The following DRC1 variants were observed in gnomAD, a reference collection of about 807,000 sequenced individuals.
The protein encoded by DRC1 is dynein regulatory complex subunit 1, also known as dynein regulatory complex protein 1.
In DRC1, 74 loss-of-function variants were observed where a neutral mutation model predicts 98.7. That is an observed-to-expected ratio of 0.75 (90% CI 0.62 to 0.91). DRC1 has a LOEUF of 0.91. Among genes scored for constraint, DRC1 ranks in the 40% least tolerant of loss-of-function variants. DRC1 has a pLI of 0.00. For synonymous variants in DRC1, 336 were observed against 334.1 expected, an observed-to-expected ratio of 1.01 and a Z score of -0.06; for missense variants, 875 against 886.0, an observed-to-expected ratio of 0.99 and a Z score of 0.16.
chr2:26,430,956 A>AACT, intron 6 of DRC1, 84 bp downstream of exon 6: 2 of 572,472 alleles, frequency 3.5e-6, no homozygotes, highest in Non-Finnish European at 5.0e-6. Context: ...GCCTTTTTCT[A>AACT]TCTTTTTTTT....
rs1678722148 is a variant in DRC1 at position 26,414,328 on chromosome 2, C to CT, written c.156-10dup. The CT allele has an allele frequency of 1.2e-6, 2 of 1,612,144 alleles. No individual in the cohort carries two copies. The highest frequency in any genetic ancestry group is 1.7e-5 in the Admixed American group (1 of 59,654). On this transcript the variant is annotated splice_polypyrimidine_tract_variant and intron_variant, in intron 1 of 16. Coordinates refer to ENST00000288710, the MANE Select transcript of DRC1 (RefSeq NM_145038.5). ...ATTAGAAATAACTTCATTTTCTCTG[C>CT]TTTTTTCCATCACAGGGAAGCACTT...
rs147455397 is a variant in DRC1, at chr2:26,431,145, G to A, written c.765+273G>A. ...TAATTTCTGTATTTTTAGTAGAGAC[G>A]GGGTTTCACCATGTTGACCAGGATG... On this transcript the variant is annotated intron_variant, in intron 6 of 16. Coordinates refer to ENST00000288710, the MANE Select transcript of DRC1 (RefSeq NM_145038.5). Among the ~76,000 whole-genome samples the A allele has an allele frequency of 0.019, 2,879 of 152,066 alleles. 75 individuals are homozygous for A. Among genetic ancestry groups the A allele is most frequent in the African/African-American group, 0.065 (2,678 of 41,462 alleles).
At position 26,456,632 on chromosome 2, in the gene DRC1, G is replaced by A. The variant is rs1664185889; in HGVS notation, c.*115G>A. 3.9e-6 allele frequency: 5 copies of A among 1,283,484 alleles called. No individual in the cohort carries two copies. The highest frequency in any genetic ancestry group is 5.6e-6 in the Non-Finnish European group (5 of 900,002). The allele number at this position is 1,283,484 out of a possible 1,614,324, so 79.5% of individuals were successfully genotyped here. ...GGGCCTGCTCTCTGGATTTTCCAGG[G>A]CTGTCTTTATAGCCTGTCGAAATAA... is the stretch of plus-strand genomic sequence containing the variant. On this transcript the variant is annotated 3_prime_UTR_variant, in exon 17 of 17. Transcript: ENST00000288710.
chr2:26,431,765 C>A, intron 6 of DRC1, 119 bp from the exon 7 acceptor site: 1 of 1,494,752 alleles, frequency 6.7e-7, no homozygotes, highest in Non-Finnish European at 9.0e-7. Context: ...CCACCAGACT[C>A]CCTGTGGAGC....
intron 4 of DRC1, among the ~76,000 whole-genome samples, chr2:26,426,250 T>C (rs1457762206): frequency 6.6e-6 from 1 of 152,198 alleles, no homozygotes; most frequent in Non-Finnish European, 1.5e-5. Flanking sequence ...TCAAAGCCAT[T>C]TGGTCATATA....
At position 26,429,526 on chromosome 2, in the gene DRC1, C is replaced by T. The variant is rs1483966190; in HGVS notation, c.541-102C>T. Reference sequence around the variant, plus strand: ...CAGCCCTCTTTGTACAGTTTCATGTCCTAACATTGACAGATTCTGGTGAGA... The same window carrying T: ...CAGCCCTCTTTGTACAGTTTCATGTTCTAACATTGACAGATTCTGGTGAGA... On this transcript the variant is annotated intron_variant, in intron 4 of 16. Coordinates refer to ENST00000288710, the MANE Select transcript of DRC1 (RefSeq NM_145038.5). 2.8e-5 allele frequency: 41 copies of T among 1,462,170 alleles called. No homozygotes were observed. The Middle Eastern group carries it at 5.4e-4, about 19-fold the overall frequency. The allele number at this position is 1,462,170 out of a possible 1,614,324, so 90.6% of individuals were successfully genotyped here.
intron 1 of DRC1, among the ~76,000 whole-genome samples, chr2:26,402,787 C>T (rs1678294908): frequency 6.6e-6 from 1 of 152,204 alleles, no homozygotes; most frequent in Admixed American, 6.5e-5. Context: ...GTTGATTGCC[C>T]ACCGTCTGGA....
At chr2:26,423,024 C>A (rs1342607805) in intron 3 of DRC1, among the ~76,000 whole-genome samples, 3 of 152,028 alleles carry the variant, frequency 2.0e-5, no homozygotes, top group Non-Finnish European at 4.4e-5. Context: ...ATAAGCAGTT[C>A]CCTCTTTAGC....
At chr2:26,455,263 A>AG in intron 16 of DRC1, 30 bp downstream of exon 16, 1 of 1,598,410 alleles carries the variant, frequency 6.3e-7, no homozygotes, top group Non-Finnish European at 8.6e-7. Flanking sequence ...AAGGAGGGGC[A>AG]GCGGGAGACA....
At chr2:26,426,091 C>G (rs939340894) in intron 4 of DRC1, among the ~76,000 whole-genome samples, 9 of 152,116 alleles carry the variant, frequency 5.9e-5, no homozygotes, top group African/African-American at 2.2e-4. Context: ...GGTAAGGACC[C>G]AACTTCATTC....
chr2:26,414,686 A>C (rs1678738486), intron 2 of DRC1, among the ~76,000 whole-genome samples: 1 of 152,214 alleles, frequency 6.6e-6, no homozygotes, highest in Non-Finnish European at 1.5e-5. Context: ...CAGATGTTTT[A>C]GCTTGGGCGC....
intron 2 of DRC1, 131 bp from the exon 3 acceptor site, chr2:26,421,157 A>G: frequency 1.5e-6 from 1 of 671,900 alleles, no homozygotes; most frequent in Non-Finnish European, 2.4e-6. Flanking sequence ...TACTCTTAAA[A>G]ATCTTAAGGT....
At chr2:26,418,130 AC>A (rs1357231447) in intron 2 of DRC1, among the ~76,000 whole-genome samples, 1 of 151,728 alleles carries the variant, frequency 6.6e-6, no homozygotes, top group Non-Finnish European at 1.5e-5. Flanking sequence ...GTCCCTTCAA[AC>A]CCCCATTGTC....
intron 10 of DRC1, 41 bp downstream of exon 10, chr2:26,444,989 C>T (rs1663817417): frequency 6.3e-7 from 1 of 1,594,004 alleles, no homozygotes; most frequent in African/African-American, 1.3e-5. Flanking sequence ...GCTGGAGGAG[C>T]CCCCTGAGAA....
rs1664059587 is a variant in DRC1 at position 26,453,446 on chromosome 2, G to A, written c.1816G>A (p.Glu606Lys). Residue 606 changes from glutamate (E) to lysine (K), a missense_variant, in exon 14 of 17, where the codon GAG becomes AAG. Physicochemically the swap from Glu to Lys is moderately conservative, Grantham distance 56 (BLOSUM62 1). Coordinates refer to ENST00000288710, the MANE Select transcript of DRC1 (RefSeq NM_145038.5). ...GEKEESLVEG[E>K]KEEEEETPPS... ...AAAGGAAGAAAGCCTGGTGGAAGGG[G>A]AGAAGGAGGAAGAGGAGGAGACCCC... The A allele has an allele frequency of 1.2e-6, 2 of 1,614,054 alleles. No homozygotes were observed. Among genetic ancestry groups the A allele is most frequent in the African/African-American group, 1.3e-5 (1 of 74,940 alleles).
chr2:26,411,205 A>C (rs1324390382), intron 1 of DRC1, among the ~76,000 whole-genome samples: 1 of 152,266 alleles, frequency 6.6e-6, no homozygotes, highest in Non-Finnish European at 1.5e-5. Context: ...CTAGTTCTAC[A>C]CTGCTGAACA....
In DRC1 at chr2:26,429,690, C is replaced by A. The variant is rs773865451; in HGVS notation, c.603C>A (p.Cys201Ter). Residue 201 changes from cysteine (C) to a stop codon, truncating the protein, a stop_gained, in exon 5 of 17, where the codon TGC (cysteine) becomes TGA (stop). Transcript: ENST00000288710. LOFTEE classifies it high-confidence loss of function. ...KDLKKQSDDI[C>*]LLLERMEEQV... is the part of the protein sequence containing the mutation. ...TGAAGAAACAGTCAGATGACATCTG[C>A]CTGCTTCTGGAGCGGATGGAAGAAC... The A allele has an allele frequency of 6.2e-7, 1 of 1,614,092 alleles. No homozygotes were observed. Among genetic ancestry groups the A allele is most frequent in the Non-Finnish European group, 8.5e-7 (1 of 1,179,988 alleles).
chr2:26,429,491 C>T, intron 4 of DRC1, 137 bp from the exon 5 acceptor site: 1 of 1,142,960 alleles, frequency 8.7e-7, no homozygotes, highest in Non-Finnish European at 1.2e-6. Context: ...TAGGTGTGAG[C>T]CACTGTGCGC....
intron 10 of DRC1, among the ~76,000 whole-genome samples, chr2:26,445,929 A>G (rs944704062): frequency 6.6e-6 from 1 of 151,998 alleles, no homozygotes; most frequent in African/African-American, 2.4e-5. Context: ...AAAGGCTGGA[A>G]TTACAAGTGT....
Sources: gnomAD v4.1 joint callset for allele counts (sites outside exome capture counted in the v4.1 genomes callset) on GRCh38, gnomAD v4.1.1 for gene constraint, MANE v1.5 for transcripts, NCBI Gene and HGNC (gene_info 2026-07-23, HGNC 2026-07-21) for gene names.